The following CLINT1 variants were observed in gnomAD, a reference collection of about 807,000 sequenced individuals.
CLINT1 encodes the protein clathrin interactor 1.
In CLINT1, 15 loss-of-function variants were observed where a neutral mutation model predicts 70.4. The observed-to-expected ratio is 0.21, with a 90% CI of 0.14 to 0.33. The LOEUF (loss-of-function observed/expected upper bound fraction) is 0.33, where lower values mean the gene tolerates loss of function less well. CLINT1 is among the 10% of genes least tolerant of loss of function. The pLI is 1.00. For synonymous variants in CLINT1, 227 were observed against 254.7 expected, an observed-to-expected ratio of 0.89 and a Z score of 1.04; for missense variants, 615 against 778.1, an observed-to-expected ratio of 0.79 and a Z score of 2.49.
chr5:157,854,546 T>C (rs1387269301), intron 1 of CLINT1, among the ~76,000 whole-genome samples: 1 of 152,020 alleles, frequency 6.6e-6, no homozygotes, highest in Non-Finnish European at 1.5e-5. Context: ...AAATAAAAAA[T>C]AAAAAGAAAC....
intron 10 of CLINT1, among the ~76,000 whole-genome samples, chr5:157,790,949 C>T (rs1380495249): frequency 6.6e-6 from 1 of 152,176 alleles, no homozygotes; most frequent in South Asian, 2.1e-4. Context: ...AATGATTTTC[C>T]ATATTAGCAA....
In CLINT1 at chr5:157,805,941, T is replaced by C. The variant is rs762956245; in HGVS notation, c.867A>G (p.Ala289=). Residue 289 remains alanine, a synonymous_variant, in exon 7 of 12, where the codon GCA becomes GCG. Coordinates refer to ENST00000411809, the MANE Select transcript of CLINT1 (RefSeq NM_014666.4). The stretch of plus-strand genomic sequence containing the variant: ...CTTTGTCCCCTGTGTAATGTGCTGC[T>C]GCTCCAAGATCAATGGTTTTGGAAG... The part of the protein sequence containing the change: ...ANPSKTIDLG[A]AAHYTGDKAS... 46 of 1,613,890 alleles carry C rather than the reference T, an allele frequency of 2.9e-5. 1 individual carries two copies. The East Asian group carries it at 1.0e-3, about 36-fold the overall frequency.
chr5:157,803,781 T>A (rs1397215179), intron 7 of CLINT1, 62 bp from the exon 8 acceptor site: 4 of 1,208,938 alleles, frequency 3.3e-6, no homozygotes, highest in African/African-American at 1.5e-5. Flanking sequence ...ATCAGCTCTA[T>A]CCATCTCTAA....
rs970040752 is a variant in CLINT1, at chr5:157,841,532, T to C, written c.41+17398A>G. 4.7e-5 allele frequency among the ~76,000 whole-genome samples: 7 copies of C among 149,166 alleles called. 1 individual carries two copies. The highest frequency in any genetic ancestry group is 2.7e-4 in the Admixed American group (4 of 15,034). ...CAGTGAGCCAAGATGTACCACTGCA[T>C]TGCAGCCTGGGTGACAGAGTGAGAC... On this transcript the variant is annotated intron_variant, in intron 1 of 11. Coordinates refer to ENST00000411809, the MANE Select transcript of CLINT1 (RefSeq NM_014666.4).
intron 1 of CLINT1, among the ~76,000 whole-genome samples, chr5:157,850,897 T>A (rs1349784448): frequency 6.6e-6 from 1 of 152,072 alleles, no homozygotes; most frequent in Non-Finnish European, 1.5e-5. Context: ...TGGGTTCAAG[T>A]GATCCTCCCA....
At position 157,846,625 on chromosome 5, in the gene CLINT1, A is replaced by G. The variant is rs1753389641; in HGVS notation, c.41+12305T>C. 2.6e-5 allele frequency among the ~76,000 whole-genome samples: 4 copies of G among 152,262 alleles called. No homozygotes were observed. The South Asian group carries it at 8.3e-4, about 32-fold the overall frequency. On this transcript the variant is annotated intron_variant, in intron 1 of 11. Transcript: ENST00000411809. ...AAGATCATCTAATGAAAGTGGTTAC[A>G]CTAAACAGATTTTCAATGGAGATGA...
chr5:157,858,206 T>G (rs368484391), intron 1 of CLINT1, among the ~76,000 whole-genome samples: 122 of 152,316 alleles, frequency 8.0e-4, no homozygotes, highest in African/African-American at 2.9e-3. Context: ...TAAGAGGACA[T>G]TTCTTAATGA....
chr5:157,844,067 T>C (rs1753286896), intron 1 of CLINT1, among the ~76,000 whole-genome samples: 1 of 152,150 alleles, frequency 6.6e-6, no homozygotes, highest in Non-Finnish European at 1.5e-5. Flanking sequence ...ATACTTGATA[T>C]TCTGTTTAAA....
chr5:157,794,542 A>G (rs1192216249), intron 9 of CLINT1, among the ~76,000 whole-genome samples: 2 of 152,222 alleles, frequency 1.3e-5, no homozygotes, highest in African/African-American at 4.8e-5. Flanking sequence ...CCTTTCATTC[A>G]TGAAAATCAT....
intron 1 of CLINT1, among the ~76,000 whole-genome samples, chr5:157,828,401 C>T (rs1005687489): frequency 6.6e-6 from 1 of 152,132 alleles, no homozygotes; most frequent in Admixed American, 6.5e-5. Context: ...CAGGCAGAGG[C>T]AGTCACCACT....
intron 1 of CLINT1, among the ~76,000 whole-genome samples, chr5:157,844,471 T>A (rs1753300927): frequency 6.6e-6 from 1 of 152,194 alleles, no homozygotes; most frequent in South Asian, 2.1e-4. Context: ...TATAGTACTC[T>A]ACAGGGCTTG....
chr5:157,790,668 G>A (rs1332135162), intron 10 of CLINT1: 2 of 454,442 alleles, frequency 4.4e-6, no homozygotes, highest in African/African-American at 2.0e-5. Flanking sequence ...ATTAAAATGA[G>A]TAATTAGCAT....
intron 10 of CLINT1, 171 bp from the exon 11 acceptor site, chr5:157,789,684 T>A: frequency 1.2e-6 from 1 of 810,780 alleles, no homozygotes. Flanking sequence ...TGTTCTATGC[T>A]AATGTCTTCA....
At chr5:157,816,466 T>C (rs1287362052) in intron 3 of CLINT1, among the ~76,000 whole-genome samples, 2 of 152,176 alleles carry the variant, frequency 1.3e-5, no homozygotes, top group African/African-American at 4.8e-5. Flanking sequence ...TATAGATTCA[T>C]TATTTTTGAT....
At chr5:157,802,189 A>G (rs1301744260) in intron 8 of CLINT1, among the ~76,000 whole-genome samples, 1 of 151,960 alleles carries the variant, frequency 6.6e-6, no homozygotes, top group Non-Finnish European at 1.5e-5. Flanking sequence ...GCCACTGTGC[A>G]CAGCCACAAT....
chr5:157,806,180 T>C lies in CLINT1; in HGVS notation c.696-68A>G, dbSNP rs1283658076. 4.7e-5 allele frequency: 71 copies of C among 1,509,344 alleles called. 1 individual carries two copies. In the South Asian group the frequency reaches 5.6e-4, roughly 12 times the overall value. 93.5% of individuals were successfully genotyped at this position (1,509,344 alleles called of 1,614,324 possible). On this transcript the variant is annotated intron_variant, in intron 6 of 11. Transcript: ENST00000411809. ...ATTTTAAAATGGGTCCCTCAGTGAT[T>C]TGAGCTAAAGAATTTCAAATACAGT...
rs1351992798 is a variant in CLINT1 at position 157,786,603 on chromosome 5, A to AAT, written c.*1041_*1042dup. ...TTGACTGCTACAGGTCTCCTTTAACAATATATATTTAACTCCTCTATTGGA... is the reference window on the plus strand; with the variant it reads ...TTGACTGCTACAGGTCTCCTTTAACAATATATATATTTAACTCCTCTATTGGA... On this transcript the variant is annotated 3_prime_UTR_variant, in exon 12 of 12. Transcript: ENST00000411809. 2 of 152,562 alleles carry AAT rather than the reference A, an allele frequency of 1.3e-5. No individual in the cohort carries two copies. Among genetic ancestry groups the AAT allele is most frequent in the Non-Finnish European group, 2.9e-5 (2 of 68,026 alleles). The allele number at this position is 152,562 out of a possible 1,614,324, so 9.5% of individuals were successfully genotyped here.
chr5:157,835,231 A>T (rs758223863), intron 1 of CLINT1, among the ~76,000 whole-genome samples: 1 of 152,232 alleles, frequency 6.6e-6, no homozygotes, highest in South Asian at 2.1e-4. Context: ...GAAGATTGTG[A>T]TATGCCTTAC....
intron 10 of CLINT1, among the ~76,000 whole-genome samples, chr5:157,791,201 G>C (rs1441933888): frequency 6.6e-6 from 1 of 152,094 alleles, no homozygotes. Context: ...AGGGACTACA[G>C]GTGCCTGCCA....
Sources: allele counts gnomAD v4.1 joint callset (sites outside exome capture counted in the v4.1 genomes callset), GRCh38; gene constraint gnomAD v4.1.1; transcripts MANE v1.5; gene names NCBI Gene and HGNC (gene_info 2026-07-23, HGNC 2026-07-21).